Variants in CSN1S1 observed in about 807,000 individuals in gnomAD.
CSN1S1 encodes the protein casein alpha s1.
CSN1S1 carries 63 observed loss-of-function variants against 49.1 expected under a neutral mutation model. The ratio of observed to expected loss-of-function variants is 1.28; its 90% CI spans 1.05 to 1.58. CSN1S1 has a LOEUF of 1.58. Ranked by LOEUF, CSN1S1 falls within the 40% of genes most tolerant of loss-of-function variation. The pLI is 0.00. For synonymous variants in CSN1S1, 78 were observed against 67.1 expected (o/e 1.16, Z -0.79); for missense variants, 260 against 224.7 (o/e 1.16, Z -1.01).
chr4:69,937,968 A>C, intron 9 of CSN1S1, 145 bp downstream of exon 9: 1 of 492,622 alleles, frequency 2.0e-6, no homozygotes, highest in Non-Finnish European at 3.5e-6. Context: ...ATTTTAAATT[A>C]ATCCTATTCT....
rs774194292 is a variant in CSN1S1, at chr4:69,937,783, A to G, written c.220-17A>G. ...TTTGTCATGAAAAATGAAATTGATT[A>G]TTTTTTCTTTCTTAAGAACTGTGTT... is the stretch of plus-strand genomic sequence containing the variant. On this transcript the variant is annotated splice_polypyrimidine_tract_variant and intron_variant, in intron 8 of 15. Coordinates refer to ENST00000246891, the MANE Select transcript of CSN1S1 (RefSeq NM_001890.2). The G allele has an allele frequency of 1.9e-6, 3 of 1,584,544 alleles. No individual in the cohort carries two copies. Among genetic ancestry groups the G allele is most frequent in the East Asian group, 4.5e-5 (2 of 44,180 alleles).
chr4:69,934,393 C>G (rs1560385916), intron 3 of CSN1S1, 149 bp downstream of exon 3: 3 of 756,816 alleles, frequency 4.0e-6, no homozygotes, highest in Middle Eastern at 2.4e-4. Flanking sequence ...GGTATTTGCT[C>G]TCACAAAACT....
At chr4:69,936,699 A>G (rs1315141535) in intron 7 of CSN1S1, 92 bp downstream of exon 7, 56 of 1,193,404 alleles carry the variant, frequency 4.7e-5, no homozygotes, top group Non-Finnish European at 4.2e-5. Context: ...GCATTTTTCT[A>G]TGGTTTTGTC....
intron 8 of CSN1S1, 34 bp from the exon 9 acceptor site, chr4:69,937,766 G>T: frequency 6.4e-7 from 1 of 1,554,294 alleles, no homozygotes; most frequent in Non-Finnish European, 8.7e-7. Flanking sequence ...TATTTGTCAT[G>T]AAAAATGAAA....
intron 9 of CSN1S1, among the ~76,000 whole-genome samples, chr4:69,938,687 A>G (rs952360248): frequency 1.1e-4 from 16 of 151,772 alleles, no homozygotes; most frequent in African/African-American, 3.9e-4. Flanking sequence ...GAAAAAGTAA[A>G]TATTTCAAAG....
At chr4:69,938,543 C>T (rs552990322) in intron 9 of CSN1S1, among the ~76,000 whole-genome samples, 1 of 151,532 alleles carries the variant, frequency 6.6e-6, no homozygotes, top group African/African-American at 2.4e-5. Context: ...TAAATGCTGA[C>T]TTATTACATA....
chr4:69,939,107 C>A, intron 9 of CSN1S1, 69 bp from the exon 10 acceptor site: 1 of 1,134,232 alleles, frequency 8.8e-7, no homozygotes, highest in Admixed American at 1.9e-5. Flanking sequence ...ACCATGATGA[C>A]ATGGAACTAG....
chr4:69,934,089 A>G, intron 2 of CSN1S1, 123 bp from the exon 3 acceptor site: 2 of 600,732 alleles, frequency 3.3e-6, no homozygotes, highest in South Asian at 2.9e-5. Context: ...AAATATTGCT[A>G]TTAAAACACA....
chr4:69,943,904 G>T (rs369808794), intron 14 of CSN1S1, among the ~76,000 whole-genome samples: 13 of 152,088 alleles, frequency 8.5e-5, no homozygotes, highest in South Asian at 4.1e-4. Flanking sequence ...GTTCTTCAAA[G>T]TCCCACTTCT....
At chr4:69,937,094 T>C (rs1356825857) in intron 7 of CSN1S1, 27 bp from the exon 8 acceptor site, 2 of 1,530,296 alleles carry the variant, frequency 1.3e-6, no homozygotes, top group Non-Finnish European at 1.8e-6. Flanking sequence ...CAATCTGTCA[T>C]ACCTAACTGA....
At chr4:69,941,593 TTGACGTAA>T (rs1722968945) in intron 12 of CSN1S1, among the ~76,000 whole-genome samples, 1 of 151,852 alleles carries the variant, frequency 6.6e-6, no homozygotes, top group African/African-American at 2.4e-5. Flanking sequence ...ACAAACAAAT[TTGACGTAA>T]TGAAGGCTTT....
chr4:69,944,491 A>C (rs747878505), intron 14 of CSN1S1, among the ~76,000 whole-genome samples: 123 of 151,998 alleles, frequency 8.1e-4, no homozygotes, highest in Non-Finnish European at 1.5e-3. Context: ...TCTAAATGGC[A>C]AAAATTCCCT....
rs371952091 is a variant in CSN1S1, at chr4:69,932,565, C to A, written c.10C>A (p.Leu4Ile). MRL[L>I]ILTCLVAVAL... ...ATAGGCTCTGATAACCATGAGGCTT[C>A]TCATTCTCACCTGTCTTGTGGCTGT... The change falls in exon 2 of 16, where the codon CTC (leucine) becomes ATC (isoleucine). Residue 4 changes from leucine to isoleucine, a missense_variant. Physicochemically the swap from Leu to Ile is conservative, Grantham distance 5 (BLOSUM62 2). Transcript: ENST00000246891. The A allele has an allele frequency of 6.2e-7, 1 of 1,603,556 alleles. No individual in the cohort carries two copies.
Position 69,942,063 on chromosome 4 carries a change from G to A in CSN1S1, c.360G>A (p.Gln120=), listed in dbSNP as rs531054138. The change falls in exon 13 of 16, where the codon CAG becomes CAA. Residue 120 remains glutamine (Q), a splice_region_variant and synonymous_variant. Transcript: ENST00000246891. ...CTCCCTAGCAAGCTGCCCATGCCCA[G>A]GTGAGATTATTTATTAAATCTAAAA... ...NQLQLQAAHA[Q]EQIRRMNENS... 1.3e-5 allele frequency: 19 copies of A among 1,453,844 alleles called. No homozygotes were observed. The highest frequency in any genetic ancestry group is 7.0e-5 in the African/African-American group (5 of 71,260). The allele number at this position is 1,453,844 out of a possible 1,614,324, so 90.1% of individuals were successfully genotyped here.
rs1405199605 is a variant in CSN1S1 at position 69,941,023 on chromosome 4, A to T, written c.305A>T (p.Gln102Leu). Residue 102 changes from glutamine to leucine, a missense_variant, in exon 12 of 16, where the codon CAG becomes CTG. Physicochemically the swap from Gln to Leu is moderately radical, Grantham distance 113 (BLOSUM62 -2). Transcript: ENST00000246891. ...AATATTTTTCTTTTTAAATAGGAACAGTTTTGTAGACTGAACGAATACAAC... is the reference window on the plus strand; with the variant it reads ...AATATTTTTCTTTTTAAATAGGAACTGTTTTGTAGACTGAACGAATACAAC... ...EEMSLSKCAE[Q>L]FCRLNEYNQL... is the part of the protein sequence containing the mutation. 1 of 1,509,256 alleles carries T rather than the reference A, an allele frequency of 6.6e-7. No individual in the cohort carries two copies. Among genetic ancestry groups the T allele is most frequent in the Non-Finnish European group, 9.0e-7 (1 of 1,105,130 alleles). 93.5% of individuals were successfully genotyped at this position (1,509,256 alleles called of 1,614,324 possible). A position where few individuals can be genotyped will look rare whatever the true frequency, so the allele number is the denominator to read the frequency against.
At chr4:69,936,902 T>G (rs1722804292) in intron 7 of CSN1S1, among the ~76,000 whole-genome samples, 1 of 152,042 alleles carries the variant, frequency 6.6e-6, no homozygotes, top group East Asian at 1.9e-4. Flanking sequence ...AAAGGAATGC[T>G]TTATCAAGGG....
chr4:69,945,220 C>T (rs1462863282), intron 15 of CSN1S1, among the ~76,000 whole-genome samples: 1 of 151,922 alleles, frequency 6.6e-6, no homozygotes, highest in African/African-American at 2.4e-5. Context: ...ACAGTATTAT[C>T]TATTCTATAA....
chr4:69,937,927 A>T, intron 9 of CSN1S1, 104 bp downstream of exon 9: 1 of 699,508 alleles, frequency 1.4e-6, no homozygotes. Context: ...AAGCAAAATA[A>T]GAAACTGAAT....
At chr4:69,931,576 A>T (rs1477316108) in intron 1 of CSN1S1, among the ~76,000 whole-genome samples, 1 of 151,966 alleles carries the variant, frequency 6.6e-6, no homozygotes, top group Non-Finnish European at 1.5e-5. Context: ...TCTATTATAG[A>T]TAATTAGCTA....
Sources: allele counts gnomAD v4.1 joint callset (sites outside exome capture counted in the v4.1 genomes callset), GRCh38; gene constraint gnomAD v4.1.1; transcripts MANE v1.5; gene names NCBI Gene and HGNC (gene_info 2026-07-23, HGNC 2026-07-21).